SDAD1: variants seen among roughly 807,000 people sequenced by gnomAD.
The protein encoded by SDAD1 is SDA1 domain containing 1, also known as protein SDA1 homolog.
In SDAD1, 79 loss-of-function variants were observed where a neutral mutation model predicts 100.3. That is an observed-to-expected ratio of 0.79 (90% confidence interval 0.66 to 0.95). The LOEUF (loss-of-function observed/expected upper bound fraction) is 0.95, where lower values mean the gene tolerates loss of function less well. SDAD1 is among the 40% of genes least tolerant of loss of function. The pLI, the probability that SDAD1 is intolerant of heterozygous loss-of-function variation, is 0.00. For missense variants in SDAD1, 790 were observed against 810.9 expected, an observed-to-expected ratio of 0.97 and a Z score of 0.31; for synonymous variants, 267 against 271.4, an observed-to-expected ratio of 0.98 and a Z score of 0.16.
In SDAD1 at chr4:75,973,020, TA is replaced by T. The variant is rs998506007; in HGVS notation, c.711+296del. Among the ~76,000 whole-genome samples, 88 of 146,690 alleles carry T rather than the reference TA, an allele frequency of 6.0e-4. 1 individual carries two copies. Among genetic ancestry groups the T allele is most frequent in the Admixed American group, 1.4e-3 (20 of 14,716 alleles). The stretch of plus-strand genomic sequence containing the variant: ...TGGGCAACAGAGCGAGACTCCGTCT[TA>T]AAAAAAAAAATGTTGGTGACAATTT... On this transcript the variant is annotated intron_variant, in intron 8 of 21. Transcript: ENST00000356260.
At chr4:75,981,108 A>G (rs948453572) in intron 3 of SDAD1, 7 of 350,386 alleles carry the variant, frequency 2.0e-5, no homozygotes, top group African/African-American at 1.0e-4. Flanking sequence ...AAGAATAGAA[A>G]GATCACAGTG....
chr4:75,950,566 A>G lies in SDAD1; in HGVS notation c.*184T>C. 1 of 483,780 alleles carries G rather than the reference A, an allele frequency of 2.1e-6. No homozygotes were observed. The highest frequency in any genetic ancestry group is 2.9e-5 in the East Asian group (1 of 33,900). The allele number at this position is 483,780 out of a possible 1,614,324, so 30.0% of individuals were successfully genotyped here. A position where few individuals can be genotyped will look rare whatever the true frequency, so the allele number is the denominator to read the frequency against. ...ATTTTACATTACCACCACTATTTACATTAACATTCCTACCATTAGCCGTCT... is the reference window on the plus strand; with the variant it reads ...ATTTTACATTACCACCACTATTTACGTTAACATTCCTACCATTAGCCGTCT... On this transcript the variant is annotated 3_prime_UTR_variant, in exon 22 of 22. Transcript: ENST00000356260.
Position 75,957,535 on chromosome 4 carries a change from G to A in SDAD1, c.1752C>T (p.Asp584=), listed in dbSNP as rs2242470. Residue 584 remains aspartate (D), a synonymous_variant, in exon 19 of 22, where the codon GAC becomes GAT. Coordinates refer to ENST00000356260, the MANE Select transcript of SDAD1 (RefSeq NM_018115.4). ...KSQKRKYIEI[D]SDEEPRGELL... is the part of the protein sequence containing the mutation. The stretch of plus-strand genomic sequence containing the variant: ...CATTTTACCTGGGCTCTTCATCACT[G>A]TCTATTTCAATGTATTTCCTCTTCT... 393,149 of 1,613,950 alleles carry A rather than the reference G, an allele frequency of 0.24. 49,580 individuals carry two copies. Among genetic ancestry groups the A allele is most frequent in the East Asian group, 0.37 (16,426 of 44,874 alleles).
chr4:75,963,790 C>T (rs1200094516), intron 14 of SDAD1, among the ~76,000 whole-genome samples: 2 of 152,134 alleles, frequency 1.3e-5, no homozygotes, highest in Non-Finnish European at 2.9e-5. Flanking sequence ...TTGGACTTCC[C>T]AGCTCCAGAA....
intron 11 of SDAD1, among the ~76,000 whole-genome samples, chr4:75,967,799 AGTCCAACCACGTGGAAGGAGTTGG>A (rs1560544105): frequency 9.6e-6 from 1 of 104,184 alleles, no homozygotes; most frequent in Admixed American, 1.1e-4. Flanking sequence ...CTTGTATACC[AGTCCAACCACGTGGAAGGAGTTGG>A]GTCCAACCAC....
At chr4:75,965,731 C>T in intron 13 of SDAD1, 33 bp downstream of exon 13, 2 of 1,584,932 alleles carry the variant, frequency 1.3e-6, no homozygotes, top group South Asian at 2.2e-5. Context: ...TCATCCATGC[C>T]CTAGGTCCAG....
intron 14 of SDAD1, 57 bp downstream of exon 14, chr4:75,964,078 T>C (rs963614555): frequency 9.7e-6 from 11 of 1,133,994 alleles, no homozygotes; most frequent in Admixed American, 1.8e-5. Context: ...TGGTAACTTA[T>C]AGCAAATCTA....
At chr4:75,981,875 A>C in intron 2 of SDAD1, 58 bp downstream of exon 2, 1 of 1,207,702 alleles carries the variant, frequency 8.3e-7, no homozygotes, top group Non-Finnish European at 1.2e-6. Context: ...ATTAGTGAAA[A>C]AACATTCAGC....
intron 20 of SDAD1, among the ~76,000 whole-genome samples, chr4:75,956,995 A>C (rs1363819576): frequency 6.6e-6 from 1 of 152,184 alleles, no homozygotes; most frequent in Non-Finnish European, 1.5e-5. Context: ...CTGTTACCCC[A>C]GCTACTTAGG....
In SDAD1 at chr4:75,950,680, T is replaced by G; in HGVS notation, c.*70A>C. 1.7e-6 allele frequency: 2 copies of G among 1,145,036 alleles called. No homozygotes were observed. The highest frequency in any genetic ancestry group is 2.6e-6 in the Non-Finnish European group (2 of 777,822). The allele number at this position is 1,145,036 out of a possible 1,614,324, so 70.9% of individuals were successfully genotyped here. ...ACTTTTTAATGTAAACAAACATGCT[T>G]GATTTACCAATTTTCAGAGCAAGGA... On this transcript the variant is annotated 3_prime_UTR_variant, in exon 22 of 22. Transcript: ENST00000356260.
chr4:75,951,561 T>C (rs1485268749), intron 21 of SDAD1, among the ~76,000 whole-genome samples: 2 of 152,206 alleles, frequency 1.3e-5, no homozygotes, highest in Non-Finnish European at 2.9e-5. Flanking sequence ...TATATCATAA[T>C]GAGACTCAGT....
intron 6 of SDAD1, 38 bp downstream of exon 6, chr4:75,975,706 A>T: frequency 7.3e-7 from 1 of 1,378,036 alleles, no homozygotes; most frequent in Non-Finnish European, 1.0e-6. Flanking sequence ...AAATGAAAAA[A>T]GAGTCTACTT....
In SDAD1 at chr4:75,964,166, C is replaced by A; in HGVS notation, c.1150G>T (p.Asp384Tyr). 6.2e-7 allele frequency: 1 copy of A among 1,608,828 alleles called. No individual in the cohort carries two copies. Among genetic ancestry groups the A allele is most frequent in the Non-Finnish European group, 8.5e-7 (1 of 1,178,450 alleles). The change falls in exon 14 of 22, where the codon GAC becomes TAC. Residue 384 changes from aspartate (D) to tyrosine (Y), a missense_variant. Physicochemically the swap from Asp to Tyr is radical, Grantham distance 160. Coordinates refer to ENST00000356260, the MANE Select transcript of SDAD1 (RefSeq NM_018115.4). ...GTCATGACTTCTCCAGAGTTCTTGT[C>A]GGTAACAAAATTGTTTGCCACAGTC... The part of the protein sequence containing the change: ...LMTVANNFVT[D>Y]KNSGEVMTVG...
At position 75,950,439 on chromosome 4, in the gene SDAD1, T is replaced by C. The variant is rs867493458; in HGVS notation, c.*311A>G. 1 of 269,002 alleles carries C rather than the reference T, an allele frequency of 3.7e-6. No individual in the cohort carries two copies. Among genetic ancestry groups the C allele is most frequent in the African/African-American group, 2.1e-5 (1 of 46,888 alleles). 16.7% of individuals were successfully genotyped at this position (269,002 alleles called of 1,614,324 possible). ...TCCACCCTCACAGCTAAGCTGTCAA[T>C]GCCTTGAGTGAAGGGGTTACAGCTC... On this transcript the variant is annotated 3_prime_UTR_variant, in exon 22 of 22. Coordinates refer to ENST00000356260, the MANE Select transcript of SDAD1 (RefSeq NM_018115.4).
Position 75,970,344 on chromosome 4 carries a change from T to G in SDAD1, c.848A>C (p.Asn283Thr), listed in dbSNP as rs1729795140. 1 of 1,613,860 alleles carries G rather than the reference T, an allele frequency of 6.2e-7. No individual in the cohort carries two copies. Among genetic ancestry groups the G allele is most frequent in the African/African-American group, 1.3e-5 (1 of 74,926 alleles). ...QKKKKKPEVF[N>T]FSAIHLIHDP... is the part of the protein sequence containing the mutation. ...ATGAATCAAGTGAATGGCTGAAAAG[T>G]TAAACACCTCTGGTTTTTTCTTCTT... Residue 283 changes from asparagine (N) to threonine (T), a missense_variant, in exon 10 of 22, where the codon AAC (asparagine) becomes ACC (threonine). Asn to Thr is a moderately conservative substitution (Grantham distance 65). Coordinates refer to ENST00000356260, the MANE Select transcript of SDAD1 (RefSeq NM_018115.4).
In SDAD1 at chr4:75,981,419, C is replaced by G. The variant is rs139123280; in HGVS notation, c.247G>C (p.Asp83His). ...YLSNFPQEVK[D>H]LLSCNHTVLD... ...ACGGTATGATTGCAGGAGAGAAGATCTTTCACCTCTTGAGGAAAATTACTT... is the reference window on the plus strand; with the variant it reads ...ACGGTATGATTGCAGGAGAGAAGATGTTTCACCTCTTGAGGAAAATTACTT... Residue 83 changes from aspartate to histidine, a missense_variant, in exon 3 of 22, where the codon GAT becomes CAT. Coordinates refer to ENST00000356260, the MANE Select transcript of SDAD1 (RefSeq NM_018115.4). The G allele has an allele frequency of 4.9e-4, 793 of 1,613,852 alleles. No homozygotes were observed. Among genetic ancestry groups the G allele is most frequent in the Middle Eastern group, 8.3e-4 (5 of 6,054 alleles).
At chr4:75,987,973 C>T (rs1731002625) in intron 1 of SDAD1, among the ~76,000 whole-genome samples, 1 of 152,144 alleles carries the variant, frequency 6.6e-6, no homozygotes, top group Non-Finnish European at 1.5e-5. Context: ...GTCCCTTTTT[C>T]CAGTTACTTA....
chr4:75,966,577 C>A (rs1387169101), intron 12 of SDAD1, among the ~76,000 whole-genome samples: 1 of 152,184 alleles, frequency 6.6e-6, no homozygotes, highest in South Asian at 2.1e-4. Flanking sequence ...CAAGAACAAT[C>A]ATCTCTTCTT....
intron 1 of SDAD1, among the ~76,000 whole-genome samples, chr4:75,986,052 T>C (rs1190139726): frequency 1.3e-5 from 2 of 152,206 alleles, no homozygotes; most frequent in South Asian, 2.1e-4. Context: ...TTTCCTTCTC[T>C]ACAGCTATAC....
Sources: gnomAD v4.1 joint callset for allele counts (sites outside exome capture counted in the v4.1 genomes callset) on GRCh38, gnomAD v4.1.1 for gene constraint, MANE v1.5 for transcripts, NCBI Gene and HGNC (gene_info 2026-07-23, HGNC 2026-07-21) for gene names.